The following WDR7 variants were observed in gnomAD, a reference collection of about 807,000 sequenced individuals.
WDR7 encodes the protein WD repeat-containing protein 7.
Under a neutral mutation model 169.4 loss-of-function variants are expected in WDR7, and 46 were observed. That is an observed-to-expected ratio of 0.27 (90% CI 0.21 to 0.35). WDR7 has a LOEUF of 0.35. WDR7 is among the 10% of genes least tolerant of loss of function. The probability of loss-of-function intolerance (pLI) is 1.00; values close to 1 mark genes in which losing one functional copy is unlikely to be tolerated. For synonymous variants in WDR7, 612 were observed against 666.8 expected (o/e 0.92, Z 1.27); for missense variants, 1,534 against 1,859.3 (o/e 0.83, Z 3.22).
chr18:56,694,955 G>A lies in WDR7; in HGVS notation c.1114G>A (p.Ala372Thr), dbSNP rs767788107. 1 of 1,613,056 alleles carries A rather than the reference G, an allele frequency of 6.2e-7. No individual in the cohort carries two copies. The highest frequency in any genetic ancestry group is 8.5e-7 in the Non-Finnish European group (1 of 1,179,236). ...ADKQGSEEGL[A>T]MTTSISLQEA... ...ACAAAACCAAACCTCTACAGGGCTG[G>A]CAATGACAACTTCTATTAGTTTGCA... Residue 372 changes from alanine (A) to threonine (T), a missense_variant, in exon 11 of 28, where the codon GCA becomes ACA. Ala to Thr is a moderately conservative substitution (Grantham distance 58). Coordinates refer to ENST00000254442, the MANE Select transcript of WDR7 (RefSeq NM_015285.3).
chr18:56,898,538 A>G (rs1248704302), intron 21 of WDR7, among the ~76,000 whole-genome samples: 1 of 152,098 alleles, frequency 6.6e-6, no homozygotes, highest in African/African-American at 2.4e-5. Context: ...AAACATTTCA[A>G]CGTCAGATTT....
intron 21 of WDR7, among the ~76,000 whole-genome samples, chr18:56,894,200 G>C (rs1428527911): frequency 6.6e-6 from 1 of 151,932 alleles, no homozygotes; most frequent in Non-Finnish European, 1.5e-5. Context: ...TCCTGCGAAG[G>C]CTTCCTGCCT....
At chr18:56,803,579 A>T (rs1339936037) in intron 19 of WDR7, among the ~76,000 whole-genome samples, 2 of 152,196 alleles carry the variant, frequency 1.3e-5, no homozygotes, top group Non-Finnish European at 2.9e-5. Flanking sequence ...AAAAGTTTTT[A>T]AAAAGGCATA....
At chr18:56,893,137 G>T (rs1455846147) in intron 21 of WDR7, among the ~76,000 whole-genome samples, 1 of 150,334 alleles carries the variant, frequency 6.7e-6, no homozygotes, top group African/African-American at 2.4e-5. Flanking sequence ...TTGATTCTTT[G>T]TCACTAGATT....
intron 12 of WDR7, 101 bp from the exon 13 acceptor site, chr18:56,717,863 G>A: frequency 8.6e-7 from 1 of 1,160,454 alleles, no homozygotes; most frequent in East Asian, 2.7e-5. Context: ...TTTTTCAGTG[G>A]CAGCAAATGT....
intron 1 of WDR7, among the ~76,000 whole-genome samples, chr18:56,662,271 G>A (rs888859763): frequency 5.3e-5 from 8 of 152,180 alleles, no homozygotes; most frequent in Non-Finnish European, 8.8e-5. Flanking sequence ...ATAGAAATAC[G>A]TCCTGCTTTT....
chr18:56,948,460 T>TA (rs1298560372), intron 25 of WDR7, among the ~76,000 whole-genome samples: 1 of 152,036 alleles, frequency 6.6e-6, no homozygotes, highest in Non-Finnish European at 1.5e-5. Context: ...ATTTTTAGTT[T>TA]AAAAAAATAT....
chr18:56,841,253 A>T (rs1865935), intron 20 of WDR7, among the ~76,000 whole-genome samples: 43,270 of 151,580 alleles, frequency 0.29, 7,849 homozygotes, highest in African/African-American at 0.52. Flanking sequence ...TTAGAAATAA[A>T]GGGAATGGCT....
At chr18:56,956,066 C>T (rs1244303655) in intron 25 of WDR7, among the ~76,000 whole-genome samples, 2 of 152,164 alleles carry the variant, frequency 1.3e-5, no homozygotes, top group African/African-American at 2.4e-5. Context: ...AAATGAACTA[C>T]TCAGCAGGAA....
chr18:57,034,338 C>T (rs2048456261), downstream of WDR7: 1 of 152,338 alleles, frequency 6.6e-6, no homozygotes, highest in Non-Finnish European at 1.5e-5. Flanking sequence ...CCCAGCTCAA[C>T]CTCTCTGTCT....
intron 22 of WDR7, among the ~76,000 whole-genome samples, chr18:56,935,223 G>T (rs2046941461): frequency 6.6e-6 from 1 of 152,172 alleles, no homozygotes; most frequent in African/African-American, 2.4e-5. Context: ...TGTTGGTGGA[G>T]CATGCTGTTT....
chr18:56,671,276 C>T (rs529693128), intron 1 of WDR7, among the ~76,000 whole-genome samples: 1 of 148,218 alleles, frequency 6.7e-6, no homozygotes, highest in South Asian at 2.1e-4. Context: ...GAATGGGTTT[C>T]ACACTGAGCA....
rs116278058 is a variant in WDR7, at chr18:56,989,779, C to T, written c.4164+27250C>T. ...AAGTTTCCAAGCTTACCTTTATTCC[C>T]GTAGGTACAGTTCCTACATTGAAAA... On this transcript the variant is annotated intron_variant, in intron 26 of 27. Transcript: ENST00000254442. Among the ~76,000 whole-genome samples the T allele has an allele frequency of 1.7e-3, 253 of 151,990 alleles. 2 individuals are homozygous for T. Among genetic ancestry groups the T allele is most frequent in the Middle Eastern group, 6.8e-3 (2 of 294 alleles).
chr18:56,761,264 C>T (rs1399157033), intron 16 of WDR7, among the ~76,000 whole-genome samples: 1 of 152,206 alleles, frequency 6.6e-6, no homozygotes, highest in Non-Finnish European at 1.5e-5. Context: ...CCCACTTTGG[C>T]CTCCCAAAGT....
In WDR7 at chr18:56,718,090, A is replaced by G; in HGVS notation, c.1705A>G (p.Arg569Gly). ...TTTTCCTATTCAAGTAATCAAATGG[A>G]GGCCTTCTGATGATTACCTGGTGGT... ...HLFPIQVIKW[R>G]PSDDYLVVGC... The change falls in exon 13 of 28, where the codon AGG (arginine) becomes GGG (glycine). Residue 569 changes from arginine to glycine, a missense_variant. Arg to Gly is a moderately radical substitution (Grantham distance 125). Transcript: ENST00000254442. 1 of 1,614,158 alleles carries G rather than the reference A, an allele frequency of 6.2e-7. No homozygotes were observed. Among genetic ancestry groups the G allele is most frequent in the South Asian group, 1.1e-5 (1 of 91,076 alleles).
intron 20 of WDR7, among the ~76,000 whole-genome samples, chr18:56,874,272 T>G (rs1317526578): frequency 6.6e-6 from 1 of 152,072 alleles, no homozygotes; most frequent in Non-Finnish European, 1.5e-5. Flanking sequence ...GATTATTGAT[T>G]TTTTTTTCTT....
At chr18:56,800,950 C>G (rs1199072922) in intron 19 of WDR7, among the ~76,000 whole-genome samples, 1 of 152,140 alleles carries the variant, frequency 6.6e-6, no homozygotes, top group Non-Finnish European at 1.5e-5. Context: ...GCTTCTGGGT[C>G]CTGTGAGTGG....
chr18:56,852,436 G>C (rs2045654842), intron 20 of WDR7, among the ~76,000 whole-genome samples: 1 of 152,144 alleles, frequency 6.6e-6, no homozygotes, highest in Non-Finnish European at 1.5e-5. Context: ...TTTGTCCTCT[G>C]TCTCGTATTT....
chr18:56,945,897 A>T (rs1599181128), intron 25 of WDR7, among the ~76,000 whole-genome samples: 1 of 152,240 alleles, frequency 6.6e-6, no homozygotes, highest in East Asian at 1.9e-4. Flanking sequence ...AAGTCCTTGG[A>T]TGTTTATTCA....
Sources: allele counts gnomAD v4.1 joint callset (sites outside exome capture counted in the v4.1 genomes callset), GRCh38; gene constraint gnomAD v4.1.1; transcripts MANE v1.5; gene names NCBI Gene and HGNC (gene_info 2026-07-23, HGNC 2026-07-21).